The following SLC8A3 variants were observed in gnomAD, a reference collection of about 807,000 sequenced individuals.
SLC8A3 encodes sodium/calcium exchanger 3.
SLC8A3 carries 37 observed loss-of-function variants against 65.4 expected under a neutral mutation model. The observed-to-expected ratio is 0.57, with a 90% confidence interval of 0.44 to 0.74. The LOEUF (loss-of-function observed/expected upper bound fraction) is 0.74. Among genes scored for constraint, SLC8A3 ranks in the 30% least tolerant of loss-of-function variants. The probability of loss-of-function intolerance (pLI) is 0.00; values close to 1 mark genes in which losing one functional copy is unlikely to be tolerated. For synonymous variants in SLC8A3, 461 were observed against 444.5 expected (o/e 1.04, Z -0.47); for missense variants, 1,112 against 1,172.1 (o/e 0.95, Z 0.75).
intron 3 of SLC8A3, chr14:70,060,541 A>G: frequency 2.0e-6 from 1 of 501,130 alleles, no homozygotes; most frequent in Non-Finnish European, 3.8e-6. Flanking sequence ...ACAGGGAAAT[A>G]ACTCATTAGG....
chr14:70,051,476 T>C (rs1015194003), intron 4 of SLC8A3, among the ~76,000 whole-genome samples: 2 of 152,088 alleles, frequency 1.3e-5, no homozygotes, highest in African/African-American at 4.8e-5. Flanking sequence ...TTTTGTTTTA[T>C]TTTTTATAGA....
chr14:70,076,087 C>A (rs1476347331), intron 2 of SLC8A3, among the ~76,000 whole-genome samples: 1 of 152,208 alleles, frequency 6.6e-6, no homozygotes, highest in Non-Finnish European at 1.5e-5. Context: ...ACCCACTCGG[C>A]CTGGTCATGC....
At chr14:70,160,496 A>G (rs1188095984) in intron 2 of SLC8A3, among the ~76,000 whole-genome samples, 2 of 152,108 alleles carry the variant, frequency 1.3e-5, no homozygotes, top group Non-Finnish European at 2.9e-5. Context: ...ATACTGTGCC[A>G]TTTTATACCA....
chr14:70,094,404 T>A (rs1892016291), intron 2 of SLC8A3, among the ~76,000 whole-genome samples: 3 of 152,224 alleles, frequency 2.0e-5, no homozygotes, highest in Admixed American at 2.0e-4. Context: ...TCCTTTCCCA[T>A]CCTTCAATTA....
intron 2 of SLC8A3, among the ~76,000 whole-genome samples, chr14:70,126,568 T>TCA (rs762556721): frequency 1.9e-4 from 23 of 122,354 alleles, no homozygotes; most frequent in African/African-American, 6.1e-4. Flanking sequence ...TCTCTCTCTC[T>TCA]CTCACACACA....
At chr14:70,156,686 C>T (rs1896593574) in intron 2 of SLC8A3, among the ~76,000 whole-genome samples, 1 of 152,112 alleles carries the variant, frequency 6.6e-6, no homozygotes, top group Admixed American at 6.6e-5. Context: ...AAGTTTGCAG[C>T]TCCTAGGATA....
chr14:70,149,435 C>G (rs926802877), intron 2 of SLC8A3, among the ~76,000 whole-genome samples: 1 of 152,140 alleles, frequency 6.6e-6, no homozygotes, highest in Non-Finnish European at 1.5e-5. Context: ...TGTGAAGCAG[C>G]CCCAGCCTGA....
At chr14:70,057,294 G>GTAGA (rs3052660) in intron 3 of SLC8A3, among the ~76,000 whole-genome samples, 29,059 of 149,474 alleles carry the variant, frequency 0.19, 2,851 homozygotes, top group South Asian at 0.22. Context: ...AGGCAGATAG[G>GTAGA]TAGATAGATA....
At chr14:70,115,958 C>T (rs189467289) in intron 2 of SLC8A3, among the ~76,000 whole-genome samples, 2 of 152,224 alleles carry the variant, frequency 1.3e-5, no homozygotes, top group East Asian at 1.9e-4. Flanking sequence ...TCTCCCAGAC[C>T]GTCCCTCCCT....
At chr14:70,060,804 T>C (rs781317484) in intron 3 of SLC8A3, 32 bp downstream of exon 3, 1 of 1,078,964 alleles carries the variant, frequency 9.3e-7, no homozygotes, top group Non-Finnish European at 1.4e-6. Flanking sequence ...CTTTCTTTTT[T>C]TTTGTTGTTT....
chr14:70,049,105 G>T, intron 5 of SLC8A3, 63 bp from the exon 6 acceptor site: 1 of 1,506,556 alleles, frequency 6.6e-7, no homozygotes, highest in Non-Finnish European at 9.0e-7. Context: ...TCATGAGAAA[G>T]TCAAGCCCAA....
At chr14:70,065,110 A>G (rs150954) in intron 2 of SLC8A3, among the ~76,000 whole-genome samples, 76,876 of 151,988 alleles carry the variant, frequency 0.51, 20,230 homozygotes, top group African/African-American at 0.67. Context: ...CTGCTACCCC[A>G]CAGCCTGGCT....
intron 2 of SLC8A3, among the ~76,000 whole-genome samples, chr14:70,106,344 G>A (rs1023310801): frequency 4.6e-5 from 7 of 151,996 alleles, no homozygotes; most frequent in Non-Finnish European, 1.0e-4. Flanking sequence ...TATTTTATGA[G>A]AAAAGAAAAT....
chr14:70,092,747 TG>T (rs1233648044), intron 2 of SLC8A3, among the ~76,000 whole-genome samples: 1 of 152,158 alleles, frequency 6.6e-6, no homozygotes, highest in Admixed American at 6.5e-5. Context: ...AGAAAAAAGA[TG>T]GCCTAAAAGA....
intron 2 of SLC8A3, among the ~76,000 whole-genome samples, chr14:70,092,211 A>G (rs901881049): frequency 6.6e-6 from 1 of 151,780 alleles, no homozygotes; most frequent in South Asian, 2.1e-4. Context: ...ATTCTTCTGC[A>G]TTTTTGCTTA....
In SLC8A3 at chr14:70,046,488, G is replaced by A. The variant is rs1046237991; in HGVS notation, c.2390-165C>T. 11 of 656,598 alleles carry A rather than the reference G, an allele frequency of 1.7e-5. No individual in the cohort carries two copies. The highest frequency in any genetic ancestry group is 9.1e-5 in the African/African-American group (5 of 54,984). 40.7% of individuals were successfully genotyped at this position (656,598 alleles called of 1,614,324 possible). A position where few individuals can be genotyped will look rare whatever the true frequency, so the allele number is the denominator to read the frequency against. The stretch of plus-strand genomic sequence containing the variant: ...CTCCTAGTTCTGCCGCAAGCAAGCC[G>A]TGTGGCCCTGGGTAGGTCACATCCC... On this transcript the variant is annotated intron_variant, in intron 6 of 6. Transcript: ENST00000356921. This position sits in a 1 kb window ranked among gnomAD's most constrained non-coding sequence, Gnocchi z 4.2.
At chr14:70,133,527 A>C (rs1275937246) in intron 2 of SLC8A3, among the ~76,000 whole-genome samples, 1 of 152,182 alleles carries the variant, frequency 6.6e-6, no homozygotes, top group Non-Finnish European at 1.5e-5. Flanking sequence ...GCTGATACTG[A>C]GGAGGTCTTT....
intron 2 of SLC8A3, among the ~76,000 whole-genome samples, chr14:70,149,133 G>C (rs1896109038): frequency 1.3e-5 from 2 of 152,204 alleles, no homozygotes; most frequent in Admixed American, 6.5e-5. Flanking sequence ...CTGGCACACA[G>C]TAAGTACTAA....
rs1421190311 is a variant in SLC8A3, at chr14:70,051,052, T to G, written c.2069A>C (p.His690Pro). The change falls in exon 5 of 7, where the codon CAT (histidine) becomes CCT (proline). Residue 690 changes from histidine to proline, a missense_variant. Transcript: ENST00000356921. Reference sequence around the variant, plus strand: ...CTCCATGAACTGGTCCCTCCAGGAATGGGTCCCCACAACCAAGGCCAGGTT... The same window carrying G: ...CTCCATGAACTGGTCCCTCCAGGAAGGGGTCCCCACAACCAAGGCCAGGTT... ...KTNLALVVGT[H>P]SWRDQFMEAI... 6.2e-7 allele frequency: 1 copy of G among 1,613,798 alleles called. No homozygotes were observed. The highest frequency in any genetic ancestry group is 8.5e-7 in the Non-Finnish European group (1 of 1,179,712).
Sources: allele counts gnomAD v4.1 joint callset (sites outside exome capture counted in the v4.1 genomes callset), GRCh38; gene constraint gnomAD v4.1.1; non-coding constraint Gnocchi (gnomAD v3.1); transcripts MANE v1.5; gene names NCBI Gene and HGNC (gene_info 2026-07-23, HGNC 2026-07-21).